Variants in PIWIL1 observed in about 807,000 individuals in gnomAD.
PIWIL1 encodes piwi-like protein 1.
PIWIL1 carries 73 observed loss-of-function variants against 114.4 expected under a neutral mutation model. That is an observed-to-expected ratio of 0.64 (90% confidence interval 0.53 to 0.78). The LOEUF is 0.78. PIWIL1 is among the 30% of genes least tolerant of loss of function. The pLI is 0.00. For synonymous variants in PIWIL1, 375 were observed against 369.0 expected, an observed-to-expected ratio of 1.02 and a Z score of -0.19; for missense variants, 723 against 1,063.1, an observed-to-expected ratio of 0.68 and a Z score of 4.45.
intron 3 of PIWIL1, among the ~76,000 whole-genome samples, chr12:130,344,382 G>A (rs779525955): frequency 2.0e-5 from 3 of 152,120 alleles, no homozygotes; most frequent in Admixed American, 6.5e-5. Context: ...GGATTTTTAG[G>A]TAGAGCCCCC....
the PIWIL1 span, among the ~76,000 whole-genome samples, chr12:130,416,351 A>G: frequency 1.3e-5 from 2 of 152,248 alleles, no homozygotes; most frequent in South Asian, 4.1e-4. Context: ...TCACTATAAT[A>G]GCATGGCACT....
intron 16 of PIWIL1, among the ~76,000 whole-genome samples, chr12:130,362,117 T>A (rs1352623101): frequency 6.6e-6 from 1 of 152,240 alleles, no homozygotes; most frequent in African/African-American, 2.4e-5. Flanking sequence ...TGTGCAGGTT[T>A]GTTACATAGG....
chr12:130,375,561 A>C (rs2136207911), downstream of PIWIL1, among the ~76,000 whole-genome samples: 1 of 152,274 alleles, frequency 6.6e-6, no homozygotes, highest in South Asian at 2.1e-4. Flanking sequence ...AGCACACCCC[A>C]CCTGCTTGGG....
the PIWIL1 span, chr12:130,399,699 T>C: frequency 1.9e-6 from 3 of 1,614,204 alleles, no homozygotes; most frequent in East Asian, 2.2e-5. Flanking sequence ...TTTGAGCGCA[T>C]TGGCGTATCT....
At chr12:130,361,056 T>C in intron 14 of PIWIL1, 124 bp from the exon 15 acceptor site, 2 of 754,236 alleles carry the variant, frequency 2.7e-6, no homozygotes, top group Non-Finnish European at 4.4e-6. Flanking sequence ...CTGAAATGAA[T>C]AGTAAAATAA....
chr12:130,362,848 G>A lies in PIWIL1; in HGVS notation c.2041+12G>A, dbSNP rs775780585. 9 of 1,613,546 alleles carry A rather than the reference G, an allele frequency of 5.6e-6. No homozygotes were observed. Among genetic ancestry groups the A allele is most frequent in the African/African-American group, 1.3e-5 (1 of 75,062 alleles). On this transcript the variant is annotated intron_variant, in intron 17 of 20. Coordinates refer to ENST00000245255, the MANE Select transcript of PIWIL1 (RefSeq NM_004764.5). ...AGTCTGCCTGCAAGGTTAGTCACCT[G>A]TGGGGTTGCCATTCTACTCTCTAAA...
chr12:130,425,420 A>C, the PIWIL1 span: 1 of 152,562 alleles, frequency 6.6e-6, no homozygotes, highest in Non-Finnish European at 1.5e-5. Flanking sequence ...CCTAAGATAC[A>C]AGCTGCGTGA....
intron 14 of PIWIL1, 77 bp from the exon 15 acceptor site, chr12:130,361,103 G>C: frequency 7.9e-7 from 1 of 1,272,608 alleles, no homozygotes; most frequent in Non-Finnish European, 1.1e-6. Context: ...TCACAGGTGA[G>C]TTTAGTTTCC....
the PIWIL1 span, among the ~76,000 whole-genome samples, chr12:130,402,397 A>G: frequency 1.3e-5 from 2 of 152,106 alleles, no homozygotes; most frequent in Non-Finnish European, 2.9e-5. Context: ...AGAACGCTGG[A>G]TAAGATCATC....
chr12:130,407,670 G>T, the PIWIL1 span: 1 of 1,372,614 alleles, frequency 7.3e-7, no homozygotes, highest in Non-Finnish European at 1.0e-6. Flanking sequence ...GGTGTACCAC[G>T]AGGGAAGGGA....
chr12:130,399,654 A>T, the PIWIL1 span: 3 of 1,612,934 alleles, frequency 1.9e-6, no homozygotes, highest in Non-Finnish European at 2.5e-6. Context: ...GACAGAGATT[A>T]AAAAGGCTAA....
chr12:130,403,661 C>T, the PIWIL1 span, among the ~76,000 whole-genome samples: 1 of 141,270 alleles, frequency 7.1e-6, no homozygotes, highest in African/African-American at 2.6e-5. Flanking sequence ...TGCTGTGTCA[C>T]TTAATCTCCT....
In PIWIL1 at chr12:130,355,668, G is replaced by A; in HGVS notation, c.1404+1G>A. 1 of 1,599,810 alleles carries A rather than the reference G, an allele frequency of 6.3e-7. No homozygotes were observed. Among genetic ancestry groups the A allele is most frequent in the Non-Finnish European group, 8.6e-7 (1 of 1,166,902 alleles). On this transcript the variant is annotated splice_donor_variant, in intron 12 of 20. Transcript: ENST00000245255. LOFTEE classifies it high-confidence loss of function. ...AAAGATTCACCAAGGTGGAAAAACA[G>A]TAAGGCAGTTTTTCGTTGGTGTTGT...
chr12:130,412,033 G>A, the PIWIL1 span, among the ~76,000 whole-genome samples: 118 of 152,080 alleles, frequency 7.8e-4, no homozygotes, highest in African/African-American at 2.8e-3. Flanking sequence ...TTTTTTTAAT[G>A]AGGACATTGT....
chr12:130,409,857 T>C, the PIWIL1 span, among the ~76,000 whole-genome samples: 89 of 152,352 alleles, frequency 5.8e-4, 1 homozygote, highest in South Asian at 2.1e-3. Flanking sequence ...CAAACATTCA[T>C]GTACAGTTTT....
Position 130,350,025 on chromosome 12 carries a change from C to G in PIWIL1, c.1044+58C>G, listed in dbSNP as rs939167110. The G allele has an allele frequency of 1.3e-5, 12 of 952,980 alleles. No individual in the cohort carries two copies. The African/African-American group carries it at 2.0e-4, about 16-fold the overall frequency. The allele number at this position is 952,980 out of a possible 1,614,324, so 59.0% of individuals were successfully genotyped here. A position where few individuals can be genotyped will look rare whatever the true frequency, so the allele number is the denominator to read the frequency against. On this transcript the variant is annotated intron_variant, in intron 9 of 20. Coordinates refer to ENST00000245255, the MANE Select transcript of PIWIL1 (RefSeq NM_004764.5). Reference sequence around the variant, plus strand: ...TCCAAAATATCTTTGGTAGAATTCTCTAACACTTGTTGCACATTTGGAACA... The same window carrying G: ...TCCAAAATATCTTTGGTAGAATTCTGTAACACTTGTTGCACATTTGGAACA...
rs540852990 is a variant in PIWIL1, at chr12:130,361,621, T to A, written c.1970+20T>A. 9.4e-6 allele frequency: 15 copies of A among 1,591,478 alleles called. No homozygotes were observed. The East Asian group carries it at 3.4e-4, about 36-fold the overall frequency. On this transcript the variant is annotated intron_variant, in intron 16 of 20. Transcript: ENST00000245255. ...GACCCGGTGAGTGAGACTGGGCTAC[T>A]GTGGGTGGCAGTGAGGACATAAAGC...
Position 130,348,200 on chromosome 12 carries a change from A to G in PIWIL1, c.734+17A>G. 1 of 1,438,386 alleles carries G rather than the reference A, an allele frequency of 7.0e-7. No individual in the cohort carries two copies. Among genetic ancestry groups the G allele is most frequent in the Non-Finnish European group, 9.8e-7 (1 of 1,024,304 alleles). 89.1% of individuals were successfully genotyped at this position (1,438,386 alleles called of 1,614,324 possible). A position where few individuals can be genotyped will look rare whatever the true frequency, so the allele number is the denominator to read the frequency against. On this transcript the variant is annotated intron_variant, in intron 7 of 20. Coordinates refer to ENST00000245255, the MANE Select transcript of PIWIL1 (RefSeq NM_004764.5). ...AAGTCACAGGTTTGTATGAAGTAGA[A>G]CGTTTAATATTCCTTAGGCTTAATG...
chr12:130,355,457 T>C (rs1476649620), intron 11 of PIWIL1, 96 bp from the exon 12 acceptor site: 2 of 912,924 alleles, frequency 2.2e-6, no homozygotes, highest in Non-Finnish European at 1.8e-6. Flanking sequence ...GACGGCGACA[T>C]TGGAGTGTGT....
Sources: gnomAD v4.1 joint callset for allele counts (sites outside exome capture counted in the v4.1 genomes callset) on GRCh38, gnomAD v4.1.1 for gene constraint, MANE v1.5 for transcripts, NCBI Gene and HGNC (gene_info 2026-07-23, HGNC 2026-07-21) for gene names.